The following LAPTM4A variants were observed in gnomAD, a reference collection of about 807,000 sequenced individuals.
LAPTM4A encodes lysosomal protein transmembrane 4 alpha, also known as lysosomal-associated transmembrane protein 4A.
In LAPTM4A, 19 loss-of-function variants were observed where a neutral mutation model predicts 29.9. That is an observed-to-expected ratio of 0.64 (90% CI 0.44 to 0.93). The LOEUF (loss-of-function observed/expected upper bound fraction) is 0.93, where lower values mean the gene tolerates loss of function less well. Among genes scored for constraint, LAPTM4A ranks in the 40% least tolerant of loss-of-function variants. The pLI, the probability that LAPTM4A is intolerant of heterozygous loss-of-function variation, is 0.00. For synonymous variants in LAPTM4A, 105 were observed against 102.1 expected (o/e 1.03, Z -0.17); for missense variants, 293 against 288.5 (o/e 1.02, Z -0.11).
chr2:20,048,382 T>A (rs1673981811), intron 1 of LAPTM4A, among the ~76,000 whole-genome samples: 1 of 152,250 alleles, frequency 6.6e-6, no homozygotes, highest in Non-Finnish European at 1.5e-5. Flanking sequence ...GTATGCTTCT[T>A]TTCTAGCTAA....
chr2:20,033,614 T>G (rs1360898393), intron 6 of LAPTM4A, among the ~76,000 whole-genome samples: 5 of 152,178 alleles, frequency 3.3e-5, no homozygotes, highest in Admixed American at 3.3e-4. Flanking sequence ...ACTTCAGGTG[T>G]TGAGGAGTTG....
rs1673702060 is a variant in LAPTM4A, at chr2:20,037,417, G to GA, written c.330dup (p.Pro111SerfsTer9). On this transcript the variant is annotated frameshift_variant, in exon 4 of 7. Coordinates refer to ENST00000175091, the MANE Select transcript of LAPTM4A (RefSeq NM_014713.5). LOFTEE classifies it high-confidence loss of function. The stretch of plus-strand genomic sequence containing the variant: ...TCAAAAAGTCGGTAACAGAAGAATG[G>GA]AATCAGCCAACCCACTTGATACTGG... 6.2e-7 allele frequency: 1 copy of GA among 1,612,196 alleles called. No homozygotes were observed. The highest frequency in any genetic ancestry group is 1.3e-5 in the African/African-American group (1 of 74,744).
chr2:20,037,280 G>GAAAAAA, intron 4 of LAPTM4A, 36 bp downstream of exon 4: 1 of 1,473,416 alleles, frequency 6.8e-7, no homozygotes, highest in Non-Finnish European at 9.2e-7. Context: ...TACTCAAAAT[G>GAAAAAA]AAAAAAAAAT....
In LAPTM4A at chr2:20,051,444, C is replaced by T. The variant is rs749609331; in HGVS notation, c.77G>A (p.Arg26His). 7 of 1,613,212 alleles carry T rather than the reference C, an allele frequency of 4.3e-6. No individual in the cohort carries two copies. Among genetic ancestry groups the T allele is most frequent in the Non-Finnish European group, 5.9e-6 (7 of 1,179,518 alleles). The change falls in exon 1 of 7, where the codon CGC becomes CAC. Residue 26 changes from arginine to histidine, a missense_variant. Physicochemically the swap from Arg to His is conservative, Grantham distance 29 (BLOSUM62 0). Transcript: ENST00000175091. ...STRCCGCCHV[R>H]TGTIILGTWY... Reference sequence around the variant, plus strand: ...GGTCCCCAGGATGATCGTCCCGGTGCGGACATGGCAACAGCCGCAGCACCG... The same window carrying T: ...GGTCCCCAGGATGATCGTCCCGGTGTGGACATGGCAACAGCCGCAGCACCG...
chr2:20,032,881 A>G lies in LAPTM4A; in HGVS notation c.*324T>C, dbSNP rs1673593007. On this transcript the variant is annotated 3_prime_UTR_variant, in exon 7 of 7. Coordinates refer to ENST00000175091, the MANE Select transcript of LAPTM4A (RefSeq NM_014713.5). Reference sequence around the variant, plus strand: ...CAAGTAACAAAATGCAAACGATTATATAAAGAAAGTGCAGTTAAAAAGGAA... The same window carrying G: ...CAAGTAACAAAATGCAAACGATTATGTAAAGAAAGTGCAGTTAAAAAGGAA... 1 of 288,000 alleles carries G rather than the reference A, an allele frequency of 3.5e-6. No individual in the cohort carries two copies. Among genetic ancestry groups the G allele is most frequent in the Admixed American group, 4.7e-5 (1 of 21,474 alleles). 17.8% of individuals were successfully genotyped at this position (288,000 alleles called of 1,614,324 possible). A position where few individuals can be genotyped will look rare whatever the true frequency, so the allele number is the denominator to read the frequency against.
At chr2:20,034,643 A>C (rs1673641868) in intron 5 of LAPTM4A, among the ~76,000 whole-genome samples, 1 of 152,330 alleles carries the variant, frequency 6.6e-6, no homozygotes, top group South Asian at 2.1e-4. Context: ...GCTTCAATTC[A>C]GGTCAACCCA....
intron 2 of LAPTM4A, among the ~76,000 whole-genome samples, chr2:20,039,178 A>G (rs572365422): frequency 3.3e-5 from 5 of 152,310 alleles, no homozygotes; most frequent in African/African-American, 1.2e-4. Flanking sequence ...CGGCCTCCCA[A>G]AGTGATGGGA....
chr2:20,036,437 T>G (rs1431582820), intron 4 of LAPTM4A, among the ~76,000 whole-genome samples: 3 of 152,228 alleles, frequency 2.0e-5, no homozygotes, highest in Non-Finnish European at 2.9e-5. Context: ...TAACCTACAA[T>G]GGTGTATCAG....
chr2:20,043,292 G>T (rs1673846186), intron 1 of LAPTM4A, among the ~76,000 whole-genome samples: 1 of 143,928 alleles, frequency 6.9e-6, no homozygotes. Context: ...TCGGCTTACT[G>T]CAGCTTCCAC....
intron 1 of LAPTM4A, among the ~76,000 whole-genome samples, chr2:20,049,449 C>T (rs1162178055): frequency 1.3e-5 from 2 of 152,196 alleles, no homozygotes; most frequent in African/African-American, 2.4e-5. Flanking sequence ...ACAACAAGGG[C>T]TTAAAGTAGG....
intron 1 of LAPTM4A, among the ~76,000 whole-genome samples, chr2:20,045,416 T>C (rs935513825): frequency 6.0e-5 from 9 of 149,646 alleles, no homozygotes; most frequent in Non-Finnish European, 1.3e-4. Context: ...TGTGCTATAA[T>C]CATGCCATTG....
At chr2:20,035,130 G>A in intron 4 of LAPTM4A, 68 bp from the exon 5 acceptor site, 1 of 1,041,660 alleles carries the variant, frequency 9.6e-7, no homozygotes, top group Non-Finnish European at 1.5e-6. Context: ...AACCTGAAGA[G>A]CATCTGAAGA....
chr2:20,034,527 C>A, intron 5 of LAPTM4A, 112 bp from the exon 6 acceptor site: 1 of 758,024 alleles, frequency 1.3e-6, no homozygotes, highest in Non-Finnish European at 2.3e-6. Flanking sequence ...TAGAAGGGAG[C>A]TGACCTCTGT....
chr2:20,034,472 TA>T, intron 5 of LAPTM4A, 57 bp from the exon 6 acceptor site: 1 of 1,177,404 alleles, frequency 8.5e-7, no homozygotes, highest in Non-Finnish European at 1.3e-6. Context: ...CTACCTGCTC[TA>T]AAATGCCAGT....
chr2:20,034,376 T>G lies in LAPTM4A; in HGVS notation c.568A>C (p.Ile190Leu). Residue 190 changes from isoleucine to leucine, a missense_variant, in exon 6 of 7, where the codon ATC (isoleucine) becomes CTC (leucine). Ile to Leu is a conservative substitution (Grantham distance 5). Transcript: ENST00000175091. ...INCVWNCYKY[I>L]NNRNVPEIAV... Reference sequence around the variant, plus strand: ...ATCTCCGGCACGTTTCGGTTGTTGATGTATTTATAGCAGTTCCAAACACAG... The same window carrying G: ...ATCTCCGGCACGTTTCGGTTGTTGAGGTATTTATAGCAGTTCCAAACACAG... 6.2e-7 allele frequency: 1 copy of G among 1,614,080 alleles called. No individual in the cohort carries two copies. Among genetic ancestry groups the G allele is most frequent in the Non-Finnish European group, 8.5e-7 (1 of 1,179,896 alleles).
chr2:20,039,544 G>A (rs908744961), intron 2 of LAPTM4A, among the ~76,000 whole-genome samples: 7 of 151,846 alleles, frequency 4.6e-5, no homozygotes, highest in African/African-American at 1.5e-4. Context: ...CCTTGAAGCC[G>A]GGAGCTCAAG....
At chr2:20,046,793 A>G (rs906867064) in intron 1 of LAPTM4A, among the ~76,000 whole-genome samples, 3 of 145,554 alleles carry the variant, frequency 2.1e-5, no homozygotes, top group Non-Finnish European at 4.5e-5. Context: ...TATATATAAT[A>G]TAATATATAT....
chr2:20,034,435 G>C lies in LAPTM4A; in HGVS notation c.529-20C>G. 1 of 1,512,934 alleles carries C rather than the reference G, an allele frequency of 6.6e-7. No individual in the cohort carries two copies. Among genetic ancestry groups the C allele is most frequent in the Non-Finnish European group, 9.2e-7 (1 of 1,087,864 alleles). The allele number at this position is 1,512,934 out of a possible 1,614,324, so 93.7% of individuals were successfully genotyped here. A position where few individuals can be genotyped will look rare whatever the true frequency, so the allele number is the denominator to read the frequency against. ...ATAAGCCTGGAAGAATAAAAACAAA[G>C]TTGACATCTGCTAGAAACTCAACAG... On this transcript the variant is annotated intron_variant, in intron 5 of 6. Transcript: ENST00000175091.
chr2:20,049,477 T>C (rs1674006200), intron 1 of LAPTM4A, among the ~76,000 whole-genome samples: 1 of 152,228 alleles, frequency 6.6e-6, no homozygotes, highest in Admixed American at 6.5e-5. Flanking sequence ...TGTAAACTCC[T>C]CACTCCCTAT....
Sources: allele counts gnomAD v4.1 joint callset (sites outside exome capture counted in the v4.1 genomes callset), GRCh38; gene constraint gnomAD v4.1.1; transcripts MANE v1.5; gene names NCBI Gene and HGNC (gene_info 2026-07-23, HGNC 2026-07-21).